The following SLC5A8 variants were observed in gnomAD, a reference collection of about 807,000 sequenced individuals.
SLC5A8 encodes the protein solute carrier family 5 member 8, also known as sodium-coupled monocarboxylate transporter 1.
A neutral mutation model predicts 71.9 loss-of-function variants in SLC5A8; 55 were observed. The observed-to-expected ratio is 0.77, with a 90% CI of 0.62 to 0.96. The LOEUF is 0.96. Ranked by LOEUF, SLC5A8 falls within the 40% of genes least tolerant of loss-of-function variation. The pLI is 0.00. For synonymous variants in SLC5A8, 307 were observed against 276.1 expected (o/e 1.11, Z -1.11); for missense variants, 701 against 745.3 (o/e 0.94, Z 0.69).
Position 101,168,178 on chromosome 12 carries a change from G to A in SLC5A8, c.1238C>T (p.Ala413Val). 6.3e-7 allele frequency: 1 copy of A among 1,598,742 alleles called. No individual in the cohort carries two copies. Among genetic ancestry groups the A allele is most frequent in the Non-Finnish European group, 8.5e-7 (1 of 1,173,686 alleles). The change falls in exon 11 of 15, where the codon GCA becomes GTA. Residue 413 changes from alanine to valine, a missense_variant. Physicochemically the swap from Ala to Val is moderately conservative, Grantham distance 64. Coordinates refer to ENST00000536262, the MANE Select transcript of SLC5A8 (RefSeq NM_145913.5). The stretch of plus-strand genomic sequence containing the variant: ...ACCAACCATACCAAATACGCTGAGT[G>A]CTGCCTACAAAAATAATACAACGTC... ...ASLMGALLQAALSVFGMVGGP... is the reference protein window; with the variant it reads ...ASLMGALLQAVLSVFGMVGGP...
chr12:101,182,924 G>A lies in SLC5A8; in HGVS notation c.1053-9C>T. On this transcript the variant is annotated splice_polypyrimidine_tract_variant and intron_variant, in intron 8 of 14. Transcript: ENST00000536262. ...TACTGGAGGACACTGTGCTGTAAGG[G>A]AAAATAAAACTTTTGATTTATAATA... 6.9e-7 allele frequency: 1 copy of A among 1,458,644 alleles called. No individual in the cohort carries two copies. Among genetic ancestry groups the A allele is most frequent in the Non-Finnish European group, 9.1e-7 (1 of 1,095,820 alleles). 90.4% of individuals were successfully genotyped at this position (1,458,644 alleles called of 1,614,324 possible). A position where few individuals can be genotyped will look rare whatever the true frequency, so the allele number is the denominator to read the frequency against.
intron 1 of SLC5A8, among the ~76,000 whole-genome samples, chr12:101,208,983 C>T (rs994732104): frequency 1.3e-5 from 2 of 152,110 alleles, no homozygotes; most frequent in African/African-American, 4.8e-5. Flanking sequence ...TACACCTTAG[C>T]CACTTGGGTG....
At chr12:101,204,428 A>T (rs1486549623) in intron 2 of SLC5A8, 72 bp downstream of exon 2, 1 of 1,292,922 alleles carries the variant, frequency 7.7e-7, no homozygotes, top group Non-Finnish European at 1.1e-6. Context: ...ATTCCCAGGT[A>T]AGCTTAATCC....
chr12:101,166,767 A>C, intron 11 of SLC5A8, 68 bp from the exon 12 acceptor site: 1 of 1,414,442 alleles, frequency 7.1e-7, no homozygotes, highest in African/African-American at 1.4e-5. Flanking sequence ...TTAATATTAG[A>C]AAGCCAAGTT....
chr12:101,201,288 T>C (rs545939452), intron 3 of SLC5A8, among the ~76,000 whole-genome samples: 277 of 152,330 alleles, frequency 1.8e-3, no homozygotes, highest in African/African-American at 6.0e-3. Flanking sequence ...ATGAAGTTCC[T>C]CTTGGTAATA....
intron 12 of SLC5A8, among the ~76,000 whole-genome samples, chr12:101,165,296 AT>A (rs2051758972): frequency 6.6e-6 from 1 of 152,224 alleles, no homozygotes; most frequent in African/African-American, 2.4e-5. Context: ...CCAAATAACC[AT>A]TTTGCCTTAG....
intron 10 of SLC5A8, 81 bp from the exon 11 acceptor site, chr12:101,168,263 G>A (rs2051793020): frequency 3.0e-6 from 4 of 1,315,676 alleles, no homozygotes; most frequent in Non-Finnish European, 4.2e-6. Flanking sequence ...TCAGGATAAT[G>A]ACTTAAAGTA....
At chr12:101,189,312 C>G (rs1264209268) in intron 6 of SLC5A8, among the ~76,000 whole-genome samples, 1 of 152,242 alleles carries the variant, frequency 6.6e-6, no homozygotes, top group Admixed American at 6.5e-5. Flanking sequence ...GATCCCATAT[C>G]TGGTTATTAT....
At position 101,157,411 on chromosome 12, in the gene SLC5A8, AATGTTAAC is replaced by A; in HGVS notation, c.1711-18_1711-11del. Reference sequence around the variant, plus strand: ...TCAAAACATGCTTCTTCTAAAAGAAAATGTTAACATGGTGATTAGGGGGAGAAAAAGAA... The same window carrying A: ...TCAAAACATGCTTCTTCTAAAAGAAAATGGTGATTAGGGGGAGAAAAAGAA... On this transcript the variant is annotated splice_polypyrimidine_tract_variant and intron_variant, in intron 14 of 14. Coordinates refer to ENST00000536262, the MANE Select transcript of SLC5A8 (RefSeq NM_145913.5). The A allele has an allele frequency of 6.3e-7, 1 of 1,578,452 alleles. No homozygotes were observed. Among genetic ancestry groups the A allele is most frequent in the Non-Finnish European group, 8.6e-7 (1 of 1,160,898 alleles).
At chr12:101,182,612 A>G (rs1056968979) in intron 9 of SLC5A8, among the ~76,000 whole-genome samples, 191 bp downstream of exon 9, 2 of 152,220 alleles carry the variant, frequency 1.3e-5, no homozygotes, top group African/African-American at 4.8e-5. Flanking sequence ...CCAAATCTTG[A>G]TTACAGATAT....
At chr12:101,162,384 A>G (rs2051732205) in intron 12 of SLC5A8, among the ~76,000 whole-genome samples, 1 of 152,162 alleles carries the variant, frequency 6.6e-6, no homozygotes, top group Non-Finnish European at 1.5e-5. Flanking sequence ...CAGCAATCCC[A>G]CTACTGGGTA....
intron 3 of SLC5A8, among the ~76,000 whole-genome samples, chr12:101,200,518 C>T (rs1337534875): frequency 6.6e-6 from 1 of 151,884 alleles, no homozygotes; most frequent in East Asian, 1.9e-4. Context: ...TGATTGCAAT[C>T]ACATAAGCTT....
chr12:101,195,695 CTTTTTTTTT>C (rs11338261), intron 3 of SLC5A8, among the ~76,000 whole-genome samples: 2 of 97,450 alleles, frequency 2.1e-5, no homozygotes, highest in Non-Finnish European at 1.9e-5. Flanking sequence ...ATGGTAATTC[CTTTTTTTTT>C]TTTTTTTTTT....
chr12:101,166,145 A>G (rs1189014861), intron 12 of SLC5A8, among the ~76,000 whole-genome samples: 1 of 152,220 alleles, frequency 6.6e-6, no homozygotes, highest in Non-Finnish European at 1.5e-5. Flanking sequence ...TATATAAGCA[A>G]TATTTATTCT....
At chr12:101,164,107 G>A (rs1443232812) in intron 12 of SLC5A8, among the ~76,000 whole-genome samples, 1 of 152,096 alleles carries the variant, frequency 6.6e-6, no homozygotes, top group Non-Finnish European at 1.5e-5. Context: ...GGAAAAAACT[G>A]AGAAACAGAA....
At chr12:101,171,655 A>G (rs1357151234) in intron 10 of SLC5A8, among the ~76,000 whole-genome samples, 6 of 152,162 alleles carry the variant, frequency 3.9e-5, no homozygotes, top group Admixed American at 2.0e-4. Context: ...AGACTCGCCA[A>G]TGATGGGGGA....
intron 2 of SLC5A8, 129 bp downstream of exon 2, chr12:101,204,371 T>C (rs1289475515): frequency 1.3e-6 from 1 of 776,878 alleles, no homozygotes; most frequent in African/African-American, 1.8e-5. Flanking sequence ...TGTTTTTCCT[T>C]TTTTGTTCCC....
At position 101,180,075 on chromosome 12, in the gene SLC5A8, C is replaced by T; in HGVS notation, c.1187G>A (p.Cys396Tyr). 6.2e-7 allele frequency: 1 copy of T among 1,614,066 alleles called. No homozygotes were observed. The highest frequency in any genetic ancestry group is 1.1e-5 in the South Asian group (1 of 91,074). ...QGMSVVYGAL[C>Y]IGMAALASLM... ...TGACGCCAGCGCAGCCATTCCAATA[C>T]ACAGGGCTCCATACACCACACCTAA... The change falls in exon 10 of 15, where the codon TGT (cysteine) becomes TAT (tyrosine). Residue 396 changes from cysteine (C) to tyrosine (Y), a missense_variant. Cys to Tyr is a radical substitution (Grantham distance 194). Coordinates refer to ENST00000536262, the MANE Select transcript of SLC5A8 (RefSeq NM_145913.5).
At chr12:101,167,502 A>C (rs1198839015) in intron 11 of SLC5A8, among the ~76,000 whole-genome samples, 1 of 152,212 alleles carries the variant, frequency 6.6e-6, no homozygotes, top group Non-Finnish European at 1.5e-5. Flanking sequence ...TCAGAGAAAT[A>C]ATTTCTAGCT....
Sources: gnomAD v4.1 joint callset for allele counts (sites outside exome capture counted in the v4.1 genomes callset) on GRCh38, gnomAD v4.1.1 for gene constraint, MANE v1.5 for transcripts, NCBI Gene and HGNC (gene_info 2026-07-23, HGNC 2026-07-21) for gene names.